Variants in FOXL1 observed in about 807,000 individuals in gnomAD.
The protein encoded by FOXL1 is forkhead box L1.
Under a neutral mutation model 1.7 loss-of-function variants are expected in FOXL1, and 2 were observed. The observed-to-expected ratio is 1.21, with a 90% CI of 0.49 to 3.80. FOXL1 has a LOEUF of 3.80. FOXL1 is among the 30% of genes most tolerant of loss of function. The probability of loss-of-function intolerance (pLI) is 0.07; values close to 1 mark genes in which losing one functional copy is unlikely to be tolerated. For synonymous variants in FOXL1, 280 were observed against 229.3 expected, an observed-to-expected ratio of 1.22 and a Z score of -2.00; for missense variants, 565 against 495.8, an observed-to-expected ratio of 1.14 and a Z score of -1.32.
In FOXL1 at chr16:86,579,361, C is replaced by A. The variant is rs1159027954; in HGVS notation, c.638C>A (p.Ser213Tyr). The A allele has an allele frequency of 6.7e-7, 1 of 1,496,156 alleles. No homozygotes were observed. Among genetic ancestry groups the A allele is most frequent in the Admixed American group, 2.3e-5 (1 of 44,040 alleles). 92.7% of individuals were successfully genotyped at this position (1,496,156 alleles called of 1,614,324 possible). Residue 213 changes from serine to tyrosine, a missense_variant, in exon 1 of 1, where the codon TCC becomes TAC. Coordinates refer to ENST00000320241, the MANE Select transcript of FOXL1 (RefSeq NM_005250.3). ...CCCCTCCACTGGCCGGGGACCGCGTCCCCGAACGAGGACGCTGGTGACGCT... is the reference window on the plus strand; with the variant it reads ...CCCCTCCACTGGCCGGGGACCGCGTACCCGAACGAGGACGCTGGTGACGCT... ...PAPLHWPGTA[S>Y]PNEDAGDAAQ...
chr16:86,578,853 G>T lies in FOXL1; in HGVS notation c.130G>T (p.Ala44Ser). The change falls in exon 1 of 1, where the codon GCC (alanine) becomes TCC (serine). Residue 44 changes from alanine (A) to serine (S), a missense_variant. Physicochemically the swap from Ala to Ser is moderately conservative, Grantham distance 99. Transcript: ENST00000320241. Reference protein sequence around the residue: ...PAAALAASGRAETPQKPPYSY... With the variant: ...PAAALAASGRSETPQKPPYSY... ...GGCTGCTCTAGCTGCCTCGGGCCGG[G>T]CCGAGACCCCGCAGAAGCCTCCCTA... The T allele has an allele frequency of 6.2e-7, 1 of 1,613,894 alleles. No homozygotes were observed. The highest frequency in any genetic ancestry group is 8.5e-7 in the Non-Finnish European group (1 of 1,179,984).
In FOXL1 at chr16:86,581,738, C is replaced by G. The variant is rs1280619484; in HGVS notation, c.*1977C>G. 1 of 166,836 alleles carries G rather than the reference C, an allele frequency of 6.0e-6. No individual in the cohort carries two copies. Among genetic ancestry groups the G allele is most frequent in the Non-Finnish European group, 1.5e-5 (1 of 68,110 alleles). 10.3% of individuals were successfully genotyped at this position (166,836 alleles called of 1,614,324 possible). ...GGATTACTGGAGGGAAATAAACAAACAGTGTAATAAGAAAGAGGAGACTGG... is the reference window on the plus strand; with the variant it reads ...GGATTACTGGAGGGAAATAAACAAAGAGTGTAATAAGAAAGAGGAGACTGG... On this transcript the variant is annotated 3_prime_UTR_variant, in exon 1 of 1. Transcript: ENST00000320241.
rs1296731030 is a variant in FOXL1 at position 86,580,434 on chromosome 16, C to T, written c.*673C>T. On this transcript the variant is annotated 3_prime_UTR_variant, in exon 1 of 1. Coordinates refer to ENST00000320241, the MANE Select transcript of FOXL1 (RefSeq NM_005250.3). ...TTTATTTTAAACAGAGACTTTTTCTCTTAATTTCTTTCTGGGTAGTAAAAA... is the reference window on the plus strand; with the variant it reads ...TTTATTTTAAACAGAGACTTTTTCTTTTAATTTCTTTCTGGGTAGTAAAAA... 1.8e-5 allele frequency: 3 copies of T among 167,056 alleles called. No individual in the cohort carries two copies. The highest frequency in any genetic ancestry group is 4.4e-5 in the Non-Finnish European group (3 of 68,112). The allele number at this position is 167,056 out of a possible 1,614,324, so 10.3% of individuals were successfully genotyped here.
chr16:86,580,831 A>T lies in FOXL1; in HGVS notation c.*1070A>T, dbSNP rs1038689127. 1 of 167,116 alleles carries T rather than the reference A, an allele frequency of 6.0e-6. No homozygotes were observed. Among genetic ancestry groups the T allele is most frequent in the East Asian group, 1.9e-4 (1 of 5,202 alleles). 10.4% of individuals were successfully genotyped at this position (167,116 alleles called of 1,614,324 possible). On this transcript the variant is annotated 3_prime_UTR_variant, in exon 1 of 1. Coordinates refer to ENST00000320241, the MANE Select transcript of FOXL1 (RefSeq NM_005250.3). ...TTAATTTAAAAAGTTGGGTGAAACA[A>T]CCAAAAGCAGATGCAGAGAGAGAGA...
Position 86,578,656 on chromosome 16 carries a change from G to C in FOXL1, c.-68G>C. 2.1e-6 allele frequency: 3 copies of C among 1,426,660 alleles called. No homozygotes were observed. Among genetic ancestry groups the C allele is most frequent in the South Asian group, 1.4e-5 (1 of 72,548 alleles). The allele number at this position is 1,426,660 out of a possible 1,614,324, so 88.4% of individuals were successfully genotyped here. A position where few individuals can be genotyped will look rare whatever the true frequency, so the allele number is the denominator to read the frequency against. The stretch of plus-strand genomic sequence containing the variant: ...CTCCCCGGGAGGGCCCTTGCGGCGC[G>C]GGGCGCAGTGCCTAGGCCGCCCGGG... On this transcript the variant is annotated 5_prime_UTR_variant, in exon 1 of 1. Transcript: ENST00000320241.
In FOXL1 at chr16:86,582,430, A is replaced by G. The variant is rs1974425003; in HGVS notation, c.*2669A>G. Among the ~76,000 whole-genome samples, 1 of 152,188 alleles carries G rather than the reference A, an allele frequency of 6.6e-6. No individual in the cohort carries two copies. Among genetic ancestry groups the G allele is most frequent in the African/African-American group, 2.4e-5 (1 of 41,442 alleles). On this transcript the variant is annotated 3_prime_UTR_variant, in exon 1 of 1. Coordinates refer to ENST00000320241, the MANE Select transcript of FOXL1 (RefSeq NM_005250.3). ...AAGCTTATCATTGTACTCTTAGGCAATCTGAAGGAATACCTCTCTGCTCTC... is the reference window on the plus strand; with the variant it reads ...AAGCTTATCATTGTACTCTTAGGCAGTCTGAAGGAATACCTCTCTGCTCTC...
At position 86,579,373 on chromosome 16, in the gene FOXL1, A is replaced by G; in HGVS notation, c.650A>G (p.Asp217Gly). 1.3e-6 allele frequency: 2 copies of G among 1,501,110 alleles called. No individual in the cohort carries two copies. Among genetic ancestry groups the G allele is most frequent in the South Asian group, 1.3e-5 (1 of 78,860 alleles). The allele number at this position is 1,501,110 out of a possible 1,614,324, so 93.0% of individuals were successfully genotyped here. A position where few individuals can be genotyped will look rare whatever the true frequency, so the allele number is the denominator to read the frequency against. ...CCGGGGACCGCGTCCCCGAACGAGG[A>G]CGCTGGTGACGCTGCCCAGGGCGCA... ...HWPGTASPNEDAGDAAQGAAA... is the reference protein window; with the variant it reads ...HWPGTASPNEGAGDAAQGAAA... Residue 217 changes from aspartate (D) to glycine (G), a missense_variant, in exon 1 of 1, where the codon GAC becomes GGC. Asp to Gly is a moderately conservative substitution (Grantham distance 94, BLOSUM62 -1). Transcript: ENST00000320241.
In FOXL1 at chr16:86,582,789, TTTTG is replaced by T. The variant is rs1450740576; in HGVS notation, c.*3032_*3035del. On this transcript the variant is annotated 3_prime_UTR_variant, in exon 1 of 1. Coordinates refer to ENST00000320241, the MANE Select transcript of FOXL1 (RefSeq NM_005250.3). ...CCAAGTATTGATACTATTTGAAAGA[TTTTG>T]TTTTTCTATATAGTTTTTAAAAATA... is the stretch of plus-strand genomic sequence containing the variant. Among the ~76,000 whole-genome samples, 1 of 152,084 alleles carries T rather than the reference TTTTG, an allele frequency of 6.6e-6. No individual in the cohort carries two copies. Among genetic ancestry groups the T allele is most frequent in the African/African-American group, 2.4e-5 (1 of 41,396 alleles).
In FOXL1 at chr16:86,582,853, TTCTC is replaced by T. The variant is rs1974429781; in HGVS notation, c.*3094_*3097del. Among the ~76,000 whole-genome samples, 1 of 151,992 alleles carries T rather than the reference TTCTC, an allele frequency of 6.6e-6. No homozygotes were observed. Among genetic ancestry groups the T allele is most frequent in the African/African-American group, 2.4e-5 (1 of 41,336 alleles). On this transcript the variant is annotated 3_prime_UTR_variant, in exon 1 of 1. Coordinates refer to ENST00000320241, the MANE Select transcript of FOXL1 (RefSeq NM_005250.3). ...TTCTATATAGCTTTAATAGTTTTGT[TTCTC>T]TATGTAGTATGAACCAGGGATAACT...
rs544696491 is a variant in FOXL1, at chr16:86,581,413, G to T, written c.*1652G>T. 1 of 167,088 alleles carries T rather than the reference G, an allele frequency of 6.0e-6. No individual in the cohort carries two copies. Among genetic ancestry groups the T allele is most frequent in the Non-Finnish European group, 1.5e-5 (1 of 68,126 alleles). The allele number at this position is 167,088 out of a possible 1,614,324, so 10.4% of individuals were successfully genotyped here. ...TGTGTTGGAAAGGACATTTCAGGCC[G>T]GCAGAGTAATTGGATAATTCACAGG... On this transcript the variant is annotated 3_prime_UTR_variant, in exon 1 of 1. Transcript: ENST00000320241.
Position 86,579,203 on chromosome 16 carries a change from G to A in FOXL1, c.480G>A (p.Glu160=), listed in dbSNP as rs577050474. 4.9e-5 allele frequency: 77 copies of A among 1,584,678 alleles called. No homozygotes were observed. In the African/African-American group the frequency reaches 8.3e-4, roughly 17 times the overall value. ...CGGAGGCCAAGAGGCCCCGCGCCGA[G>A]ACGCACCAGCGCAGCGCGGAGGCGC... is the stretch of plus-strand genomic sequence containing the variant. ...GAPEAKRPRA[E]THQRSAEAQP... is the part of the protein sequence containing the mutation. The change falls in exon 1 of 1, where the codon GAG becomes GAA. Residue 160 remains glutamate (E), a synonymous_variant. Transcript: ENST00000320241.
At position 86,582,701 on chromosome 16, in the gene FOXL1, T is replaced by C. The variant is rs1974427685; in HGVS notation, c.*2940T>C. ...TTTGTTCTGTGTACATGAATGCTCA[T>C]AAATGTATCTTTTTTGAATATACCT... On this transcript the variant is annotated 3_prime_UTR_variant, in exon 1 of 1. Coordinates refer to ENST00000320241, the MANE Select transcript of FOXL1 (RefSeq NM_005250.3). Among the ~76,000 whole-genome samples, 1 of 152,172 alleles carries C rather than the reference T, an allele frequency of 6.6e-6. No individual in the cohort carries two copies. Among genetic ancestry groups the C allele is most frequent in the South Asian group, 2.1e-4 (1 of 4,822 alleles).
chr16:86,578,891 G>C lies in FOXL1; in HGVS notation c.168G>C (p.Ala56=), dbSNP rs1974373434. ...AGAAGCCTCCCTACAGCTACATCGC[G>C]CTCATCGCCATGGCGATCCAGGACG... ...TPQKPPYSYI[A]LIAMAIQDAP... Residue 56 remains alanine (A), a synonymous_variant, in exon 1 of 1, where the codon GCG becomes GCC. Coordinates refer to ENST00000320241, the MANE Select transcript of FOXL1 (RefSeq NM_005250.3). 3.7e-6 allele frequency: 6 copies of C among 1,613,998 alleles called. No individual in the cohort carries two copies. Among genetic ancestry groups the C allele is most frequent in the Middle Eastern group, 1.6e-4 (1 of 6,082 alleles).
chr16:86,579,637 G>A lies in FOXL1; in HGVS notation c.914G>A (p.Arg305His). 1 of 1,613,616 alleles carries A rather than the reference G, an allele frequency of 6.2e-7. No homozygotes were observed. The highest frequency in any genetic ancestry group is 8.5e-7 in the Non-Finnish European group (1 of 1,179,958). ...ASLLAASSSLRPPFNASLMLD... is the reference protein window; with the variant it reads ...ASLLAASSSLHPPFNASLMLD... Reference sequence around the variant, plus strand: ...CTCCTGGCCGCCTCCTCCAGCCTCCGTCCGCCTTTCAACGCTTCCCTGATG... The same window carrying A: ...CTCCTGGCCGCCTCCTCCAGCCTCCATCCGCCTTTCAACGCTTCCCTGATG... The change falls in exon 1 of 1, where the codon CGT (arginine) becomes CAT (histidine). Residue 305 changes from arginine (R) to histidine (H), a missense_variant. Arg to His is a conservative substitution (Grantham distance 29). Transcript: ENST00000320241.
rs1974395716 is a variant in FOXL1 at position 86,580,221 on chromosome 16, C to G, written c.*460C>G. On this transcript the variant is annotated 3_prime_UTR_variant, in exon 1 of 1. Coordinates refer to ENST00000320241, the MANE Select transcript of FOXL1 (RefSeq NM_005250.3). ...CGCCTGCTTCGCTGTTGCCGTGTGGCTCAGGCCTTGGTTTTGAGCCCATCT... is the reference window on the plus strand; with the variant it reads ...CGCCTGCTTCGCTGTTGCCGTGTGGGTCAGGCCTTGGTTTTGAGCCCATCT... 5.7e-6 allele frequency: 1 copy of G among 174,406 alleles called. No homozygotes were observed. Among genetic ancestry groups the G allele is most frequent in the African/African-American group, 2.4e-5 (1 of 41,642 alleles). The allele number at this position is 174,406 out of a possible 1,614,324, so 10.8% of individuals were successfully genotyped here.
At position 86,578,881 on chromosome 16, in the gene FOXL1, G is replaced by C; in HGVS notation, c.158G>C (p.Ser53Thr). ...GAGACCCCGCAGAAGCCTCCCTACA[G>C]CTACATCGCGCTCATCGCCATGGCG... ...RAETPQKPPY[S>T]YIALIAMAIQ... The change falls in exon 1 of 1, where the codon AGC becomes ACC. Residue 53 changes from serine to threonine, a missense_variant. Coordinates refer to ENST00000320241, the MANE Select transcript of FOXL1 (RefSeq NM_005250.3). 6.2e-7 allele frequency: 1 copy of C among 1,614,140 alleles called. No homozygotes were observed. Among genetic ancestry groups the C allele is most frequent in the Non-Finnish European group, 8.5e-7 (1 of 1,180,010 alleles).
Position 86,579,987 on chromosome 16 carries a change from C to T in FOXL1, c.*226C>T, listed in dbSNP as rs113271789. 3.8e-4 allele frequency: 224 copies of T among 595,622 alleles called. No homozygotes were observed. Among genetic ancestry groups the T allele is most frequent in the African/African-American group, 3.6e-3 (195 of 53,626 alleles). The allele number at this position is 595,622 out of a possible 1,614,324, so 36.9% of individuals were successfully genotyped here. A position where few individuals can be genotyped will look rare whatever the true frequency, so the allele number is the denominator to read the frequency against. ...GCAGCTACGGAGACTTAAAAGATCC[C>T]CGCGGGGTCGTGGGCACCGCACGTG... On this transcript the variant is annotated 3_prime_UTR_variant, in exon 1 of 1. Coordinates refer to ENST00000320241, the MANE Select transcript of FOXL1 (RefSeq NM_005250.3).
chr16:86,579,213 C>T lies in FOXL1; in HGVS notation c.490C>T (p.Arg164Cys). 3.2e-6 allele frequency: 5 copies of T among 1,567,262 alleles called. No individual in the cohort carries two copies. Among genetic ancestry groups the T allele is most frequent in the Non-Finnish European group, 2.6e-6 (3 of 1,158,172 alleles). Reference protein sequence around the residue: ...AKRPRAETHQRSAEAQPEAGS... With the variant: ...AKRPRAETHQCSAEAQPEAGS... Reference sequence around the variant, plus strand: ...GAGGCCCCGCGCCGAGACGCACCAGCGCAGCGCGGAGGCGCAGCCGGAGGC... The same window carrying T: ...GAGGCCCCGCGCCGAGACGCACCAGTGCAGCGCGGAGGCGCAGCCGGAGGC... The change falls in exon 1 of 1, where the codon CGC (arginine) becomes TGC (cysteine). Residue 164 changes from arginine (R) to cysteine (C), a missense_variant. Transcript: ENST00000320241.
rs1432236954 is a variant in FOXL1, at chr16:86,580,580, C to G, written c.*819C>G. On this transcript the variant is annotated 3_prime_UTR_variant, in exon 1 of 1. Transcript: ENST00000320241. ...ATAACATCTTCTTGCATTACGATAGCTCATTAGCCAATACACATGCAGCTA... is the reference window on the plus strand; with the variant it reads ...ATAACATCTTCTTGCATTACGATAGGTCATTAGCCAATACACATGCAGCTA... 3.0e-5 allele frequency: 5 copies of G among 166,496 alleles called. No individual in the cohort carries two copies. In the East Asian group the frequency reaches 9.6e-4, roughly 32 times the overall value. The allele number at this position is 166,496 out of a possible 1,614,324, so 10.3% of individuals were successfully genotyped here.
Sources: gnomAD v4.1 joint callset for allele counts (sites outside exome capture counted in the v4.1 genomes callset) on GRCh38, gnomAD v4.1.1 for gene constraint, MANE v1.5 for transcripts, NCBI Gene and HGNC (gene_info 2026-07-23, HGNC 2026-07-21) for gene names.